Variants in UQCC1 observed in about 807,000 individuals in gnomAD.
UQCC1 encodes bFGF-repressed Zic-binding protein.
Under a neutral mutation model 48.0 loss-of-function variants are expected in UQCC1, and 38 were observed. That is an observed-to-expected ratio of 0.79 (90% CI 0.61 to 1.04). UQCC1 has a LOEUF of 1.04. Ranked by LOEUF, UQCC1 falls within the 50% of genes least tolerant of loss-of-function variation. The pLI, the probability that UQCC1 is intolerant of heterozygous loss-of-function variation, is 0.00. For synonymous variants in UQCC1, 111 were observed against 129.2 expected, an observed-to-expected ratio of 0.86 and a Z score of 0.95; for missense variants, 368 against 381.8, an observed-to-expected ratio of 0.96 and a Z score of 0.30.
At chr20:35,324,458 C>T (rs529151031) in intron 7 of UQCC1, among the ~76,000 whole-genome samples, 1 of 152,288 alleles carries the variant, frequency 6.6e-6, no homozygotes, top group African/African-American at 2.4e-5. Context: ...TCCAGAGTAG[C>T]TGGGACTACA....
chr20:35,306,683 C>T lies in UQCC1; in HGVS notation c.748G>A (p.Glu250Lys), dbSNP rs745801390. 5 of 1,613,804 alleles carry T rather than the reference C, an allele frequency of 3.1e-6. No individual in the cohort carries two copies. In the East Asian group the frequency reaches 6.7e-5, roughly 22 times the overall value. ...EDPRHLELLV[E>K]YVRKQIQYLD... ...TCACTCACCTGTTTCCTCACATACT[C>T]TACCAGCAATTCAAGATGTCGAGGG... The change falls in exon 9 of 10, where the codon GAG becomes AAG. Residue 250 changes from glutamate (E) to lysine (K), a missense_variant. By Grantham distance (56) the Glu-to-Lys change is moderately conservative. Transcript: ENST00000374385.
chr20:35,325,335 T>C (rs944524497), intron 7 of UQCC1, among the ~76,000 whole-genome samples: 8 of 152,246 alleles, frequency 5.3e-5, no homozygotes, highest in African/African-American at 1.9e-4. Context: ...ATGGTTAAAA[T>C]GATAAATATT....
intron 6 of UQCC1, among the ~76,000 whole-genome samples, chr20:35,355,646 G>C (rs557023853): frequency 2.1e-4 from 32 of 152,248 alleles, no homozygotes; most frequent in African/African-American, 7.2e-4. Context: ...ATTTACGCTT[G>C]TTTGATAACT....
At chr20:35,342,521 G>A (rs2061392052) in intron 7 of UQCC1, among the ~76,000 whole-genome samples, 1 of 152,258 alleles carries the variant, frequency 6.6e-6, no homozygotes, top group Admixed American at 6.5e-5. Flanking sequence ...GAGGCAGAGA[G>A]TGAAATTTAC....
At chr20:35,344,276 T>C (rs1254811416) in intron 7 of UQCC1, 1 of 152,262 alleles carries the variant, frequency 6.6e-6, no homozygotes, top group Admixed American at 6.5e-5. Context: ...AAGGCTCAAG[T>C]GTTGACAACT....
chr20:35,382,410 G>A (rs754082498), intron 3 of UQCC1, among the ~76,000 whole-genome samples: 5 of 151,782 alleles, frequency 3.3e-5, no homozygotes, highest in Non-Finnish European at 7.4e-5. Context: ...CCAAATGCTG[G>A]GATTACAGGT....
At chr20:35,405,049 T>C (rs2062231175) in intron 1 of UQCC1, among the ~76,000 whole-genome samples, 2 of 152,164 alleles carry the variant, frequency 1.3e-5, no homozygotes, top group Non-Finnish European at 2.9e-5. Context: ...GAATGTCTCT[T>C]ACTTGTGGTT....
At position 35,407,552 on chromosome 20, in the gene UQCC1, A is replaced by C. The variant is rs943886338; in HGVS notation, c.24+4388T>G. ...GCAACCCATAGGATAGGAAAAATAC[A>C]TGCAAATCATATATCTGATGAGGGA... On this transcript the variant is annotated intron_variant, in intron 1 of 9. Transcript: ENST00000374385. Among the ~76,000 whole-genome samples the C allele has an allele frequency of 5.9e-5, 9 of 152,346 alleles. No individual in the cohort carries two copies. In the East Asian group the frequency reaches 1.7e-3, roughly 29 times the overall value.
intron 6 of UQCC1, among the ~76,000 whole-genome samples, chr20:35,354,699 G>T (rs539693053): frequency 1.1e-3 from 167 of 152,220 alleles, no homozygotes; most frequent in African/African-American, 3.8e-3. Flanking sequence ...CCAGCCAAAG[G>T]AGGGCAAATT....
intron 9 of UQCC1, 139 bp downstream of exon 9, chr20:35,306,527 A>G (rs918131776): frequency 1.5e-6 from 1 of 646,282 alleles, no homozygotes; most frequent in Admixed American, 2.6e-5. Context: ...CTCCTTCTTC[A>G]GCGTCTAGTG....
intron 6 of UQCC1, among the ~76,000 whole-genome samples, chr20:35,351,214 A>T (rs2061486464): frequency 6.6e-6 from 1 of 151,988 alleles, no homozygotes; most frequent in Admixed American, 6.6e-5. Flanking sequence ...AATGTGGTGA[A>T]ACCCTGTTTC....
At chr20:35,326,279 T>C (rs1387937377) in intron 7 of UQCC1, among the ~76,000 whole-genome samples, 6 of 152,198 alleles carry the variant, frequency 3.9e-5, no homozygotes, top group African/African-American at 1.2e-4. Context: ...ATGACTTGCA[T>C]GTAATCAGAC....
chr20:35,304,233 T>C (rs983919649), intron 9 of UQCC1, among the ~76,000 whole-genome samples, 164 bp from the exon 10 acceptor site: 8 of 152,100 alleles, frequency 5.3e-5, no homozygotes, highest in African/African-American at 1.2e-4. Flanking sequence ...GGCCAAGCCG[T>C]CTCTGATCTC....
chr20:35,338,856 G>GAAAAA (rs1172467457), intron 7 of UQCC1, among the ~76,000 whole-genome samples: 2 of 26,844 alleles, frequency 7.5e-5, no homozygotes, highest in East Asian at 1.0e-3. Flanking sequence ...CGTCTCAAAA[G>GAAAAA]AAAAAAAAAA....
chr20:35,398,610 G>C (rs2062115290), intron 1 of UQCC1, among the ~76,000 whole-genome samples: 1 of 152,100 alleles, frequency 6.6e-6, no homozygotes, highest in Admixed American at 6.6e-5. Flanking sequence ...AGTTGAAATG[G>C]TTTTCCAAGT....
intron 5 of UQCC1, among the ~76,000 whole-genome samples, chr20:35,367,110 C>A (rs60696658): frequency 0.55 from 75,351 of 136,558 alleles, 22,225 homozygotes; most frequent in East Asian, 0.69. Context: ...AAAAAAAAAA[C>A]AAACAAAAAA....
chr20:35,405,641 A>C (rs1448936925), intron 1 of UQCC1, among the ~76,000 whole-genome samples: 3 of 152,200 alleles, frequency 2.0e-5, no homozygotes, highest in Non-Finnish European at 4.4e-5. Context: ...TAATCCCAGC[A>C]CTTTGGGAGG....
At chr20:35,321,162 A>G (rs1007725034) in intron 7 of UQCC1, among the ~76,000 whole-genome samples, 5 of 152,192 alleles carry the variant, frequency 3.3e-5, no homozygotes, top group Non-Finnish European at 7.3e-5. Context: ...GGAGAGACCA[A>G]ATAAAAAAGT....
intron 7 of UQCC1, among the ~76,000 whole-genome samples, chr20:35,338,390 T>C (rs1019321210): frequency 1.3e-5 from 2 of 152,132 alleles, no homozygotes; most frequent in Non-Finnish European, 2.9e-5. Flanking sequence ...TACCATGGTA[T>C]AGTAAAGAGG....
Sources: gnomAD v4.1 joint callset for allele counts (sites outside exome capture counted in the v4.1 genomes callset) on GRCh38, gnomAD v4.1.1 for gene constraint, MANE v1.5 for transcripts, NCBI Gene and HGNC (gene_info 2026-07-23, HGNC 2026-07-21) for gene names.